SDC2: variants seen among roughly 807,000 people sequenced by gnomAD.
The protein encoded by SDC2 is syndecan-2.
SDC2 carries 13 observed loss-of-function variants against 22.2 expected under a neutral mutation model. That is an observed-to-expected ratio of 0.59 (90% CI 0.38 to 0.93). The LOEUF is 0.93. Ranked by LOEUF, SDC2 falls within the 40% of genes least tolerant of loss-of-function variation. The pLI is 0.00. For missense variants in SDC2, 235 were observed against 246.8 expected (o/e 0.95, Z 0.32); for synonymous variants, 94 against 92.8 (o/e 1.01, Z -0.07).
intron 1 of SDC2, among the ~76,000 whole-genome samples, chr8:96,549,960 T>C (rs958349113): frequency 1.8e-4 from 27 of 152,188 alleles, no homozygotes; most frequent in Non-Finnish European, 2.9e-5. Context: ...ATCTTTAAGA[T>C]TGTTGTATCT....
chr8:96,603,034 A>G (rs542258199), intron 3 of SDC2, among the ~76,000 whole-genome samples: 5 of 152,272 alleles, frequency 3.3e-5, no homozygotes, highest in Admixed American at 3.3e-4. Context: ...GTACATCTGT[A>G]TATATTCATT....
chr8:96,523,076 T>C (rs963492050), intron 1 of SDC2, among the ~76,000 whole-genome samples: 1 of 152,236 alleles, frequency 6.6e-6, no homozygotes, highest in East Asian at 1.9e-4. Flanking sequence ...CGAGGAGTTA[T>C]TAATTCAGTT....
rs962691681 is a variant in SDC2 at position 96,494,133 on chromosome 8, G to T, written c.-139G>T. ...GCGAGCGCCCCCGAGCCCCGAGCCC[G>T]AGTCCCCGAGCCTGAGCCGCAATCG... is the stretch of plus-strand genomic sequence containing the variant. On this transcript the variant is annotated 5_prime_UTR_variant, in exon 1 of 5. Coordinates refer to ENST00000302190, the MANE Select transcript of SDC2 (RefSeq NM_002998.4). 3 of 829,436 alleles carry T rather than the reference G, an allele frequency of 3.6e-6. No homozygotes were observed. Among genetic ancestry groups the T allele is most frequent in the Admixed American group, 3.4e-5 (1 of 29,802 alleles). The allele number at this position is 829,436 out of a possible 1,614,324, so 51.4% of individuals were successfully genotyped here. A position where few individuals can be genotyped will look rare whatever the true frequency, so the allele number is the denominator to read the frequency against.
At chr8:96,518,318 C>G (rs1216938048) in intron 1 of SDC2, among the ~76,000 whole-genome samples, 1 of 150,622 alleles carries the variant, frequency 6.6e-6, no homozygotes, top group African/African-American at 2.4e-5. Context: ...CGGTGCACTT[C>G]TGCCTTGTGG....
intron 1 of SDC2, among the ~76,000 whole-genome samples, chr8:96,526,683 TA>T: frequency 6.6e-6 from 1 of 152,150 alleles, no homozygotes; most frequent in Middle Eastern, 3.4e-3. Flanking sequence ...GGACAGTTTT[TA>T]AGGGCCTTCA....
rs1815141185 is a variant in SDC2 at position 96,609,547 on chromosome 8, A to G, written c.605A>G (p.Ter202=). ...QKAPTKEFYA[*] ...GCACCTACTAAGGAGTTTTATGCGT[A>G]AAACTCCAACTTAGTGTCTCTATTT... Residue 202 remains the stop codon, a stop_retained_variant, in exon 5 of 5, where the codon TAA becomes TGA. Coordinates refer to ENST00000302190, the MANE Select transcript of SDC2 (RefSeq NM_002998.4). 1.9e-6 allele frequency: 3 copies of G among 1,582,466 alleles called. No homozygotes were observed. The highest frequency in any genetic ancestry group is 2.3e-5 in the East Asian group (1 of 43,728).
chr8:96,569,603 G>A (rs529837819), intron 1 of SDC2, among the ~76,000 whole-genome samples: 18 of 152,266 alleles, frequency 1.2e-4, no homozygotes, highest in Non-Finnish European at 1.5e-4. Flanking sequence ...GTCCAATTGT[G>A]GAGAGCCTTG....
intron 4 of SDC2, among the ~76,000 whole-genome samples, chr8:96,608,916 T>C (rs571900605): frequency 8.5e-5 from 13 of 152,170 alleles, no homozygotes; most frequent in Non-Finnish European, 1.6e-4. Flanking sequence ...GAAGTGCAAA[T>C]ATTTTAAAGG....
intron 1 of SDC2, among the ~76,000 whole-genome samples, chr8:96,590,058 G>GT (rs2130626581): frequency 6.6e-6 from 1 of 152,346 alleles, no homozygotes; most frequent in African/African-American, 2.4e-5. Flanking sequence ...CTGGCTGAAT[G>GT]TGGCATTACG....
At chr8:96,511,828 T>G (rs2130442062) in intron 1 of SDC2, among the ~76,000 whole-genome samples, 1 of 152,002 alleles carries the variant, frequency 6.6e-6, no homozygotes, top group Admixed American at 6.6e-5. Flanking sequence ...AAGGCTTACG[T>G]AACTCTCAGC....
intron 1 of SDC2, among the ~76,000 whole-genome samples, chr8:96,584,295 GT>G (rs1324534070): frequency 6.6e-6 from 1 of 152,214 alleles, no homozygotes; most frequent in Non-Finnish European, 1.5e-5. Flanking sequence ...TGGCCCCAAG[GT>G]CTTTCCCATT....
At position 96,567,202 on chromosome 8, in the gene SDC2, G is replaced by A. The variant is rs79062037; in HGVS notation, c.61-26278G>A. Reference sequence around the variant, plus strand: ...ACAAGGTGATAGTTTATTAGTAAGCGTTCATGCCAATAACAGTTTCTGTTC... The same window carrying A: ...ACAAGGTGATAGTTTATTAGTAAGCATTCATGCCAATAACAGTTTCTGTTC... On this transcript the variant is annotated intron_variant, in intron 1 of 4. Coordinates refer to ENST00000302190, the MANE Select transcript of SDC2 (RefSeq NM_002998.4). Among the ~76,000 whole-genome samples, 502 of 152,260 alleles carry A rather than the reference G, an allele frequency of 3.3e-3. 1 individual carries two copies. The highest frequency in any genetic ancestry group is 5.6e-3 in the Non-Finnish European group (382 of 68,022).
chr8:96,589,715 T>C (rs532597657), intron 1 of SDC2, among the ~76,000 whole-genome samples: 1 of 152,286 alleles, frequency 6.6e-6, no homozygotes, highest in East Asian at 1.9e-4. Flanking sequence ...TAGGCCCAAC[T>C]AAGGAGTTTT....
rs1042599167 is a variant in SDC2 at position 96,579,647 on chromosome 8, CAG to C, written c.61-13830_61-13829del. 9.3e-4 allele frequency among the ~76,000 whole-genome samples: 142 copies of C among 152,320 alleles called. 1 individual carries two copies. The highest frequency in any genetic ancestry group is 3.3e-3 in the African/African-American group (136 of 41,572). On this transcript the variant is annotated intron_variant, in intron 1 of 4. Coordinates refer to ENST00000302190, the MANE Select transcript of SDC2 (RefSeq NM_002998.4). ...GGAAATGCCAGATCTCAAATGAAGA[CAG>C]AGTTTTCCTCAATCTTTAAGCTATT...
intron 1 of SDC2, among the ~76,000 whole-genome samples, chr8:96,563,510 C>T (rs1814246081): frequency 6.6e-6 from 1 of 152,140 alleles, no homozygotes; most frequent in Non-Finnish European, 1.5e-5. Context: ...AGCCAGTGGT[C>T]CTCAAACTTA....
At chr8:96,515,523 A>C (rs1054863950) in intron 1 of SDC2, among the ~76,000 whole-genome samples, 1 of 152,152 alleles carries the variant, frequency 6.6e-6, no homozygotes, top group African/African-American at 2.4e-5. Flanking sequence ...GTAAAGTTCC[A>C]CTGTAGAGGG....
At chr8:96,564,804 G>C (rs975643008) in intron 1 of SDC2, among the ~76,000 whole-genome samples, 10 of 152,188 alleles carry the variant, frequency 6.6e-5, no homozygotes, top group Middle Eastern at 3.4e-3. Flanking sequence ...GATGAAGTCT[G>C]CCGTGCCAGT....
intron 3 of SDC2, among the ~76,000 whole-genome samples, chr8:96,603,461 C>A (rs1241280727): frequency 6.6e-6 from 1 of 152,180 alleles, no homozygotes; most frequent in African/African-American, 2.4e-5. Context: ...CTTAAGAAAA[C>A]TCAGAAGCAC....
intron 1 of SDC2, among the ~76,000 whole-genome samples, chr8:96,574,251 C>CA (rs1447476697): frequency 2.0e-5 from 3 of 152,142 alleles, no homozygotes; most frequent in Non-Finnish European, 2.9e-5. Context: ...ACTAGATCTT[C>CA]ATGGGGAAAC....
Sources: allele counts gnomAD v4.1 joint callset (sites outside exome capture counted in the v4.1 genomes callset), GRCh38; gene constraint gnomAD v4.1.1; transcripts MANE v1.5; gene names NCBI Gene and HGNC (gene_info 2026-07-23, HGNC 2026-07-21).